CORIN: variants seen among roughly 807,000 people sequenced by gnomAD.
CORIN encodes atrial natriuretic peptide-converting enzyme.
A neutral mutation model predicts 125.3 loss-of-function variants in CORIN; 117 were observed. That is an observed-to-expected ratio of 0.93 (90% confidence interval 0.80 to 1.09). The LOEUF (loss-of-function observed/expected upper bound fraction) is 1.09, where lower values mean the gene tolerates loss of function less well. Among genes scored for constraint, CORIN ranks in the 50% least tolerant of loss-of-function variants. The pLI, the probability that CORIN is intolerant of heterozygous loss-of-function variation, is 0.00. For synonymous variants in CORIN, 450 were observed against 466.4 expected (o/e 0.96, Z 0.45); for missense variants, 1,253 against 1,306.7 (o/e 0.96, Z 0.63).
chr4:47,731,967 A>ATG (rs2109815878), intron 5 of CORIN, among the ~76,000 whole-genome samples: 1 of 152,220 alleles, frequency 6.6e-6, no homozygotes, highest in East Asian at 1.9e-4. Context: ...ACCCTTGGAG[A>ATG]TGTGGGGACA....
rs901031112 is a variant in CORIN, at chr4:47,594,510, C to G, written c.*1211G>C. On this transcript the variant is annotated 3_prime_UTR_variant, in exon 22 of 22. Transcript: ENST00000273857. ...TCAGAAATTGAGTTGCGTAAAGTGG[C>G]CTAGAGCTAAAAATCATTTCTAAAA... The G allele has an allele frequency of 6.6e-6, 1 of 152,380 alleles. No individual in the cohort carries two copies. The highest frequency in any genetic ancestry group is 2.4e-5 in the African/African-American group (1 of 41,378). The allele number at this position is 152,380 out of a possible 1,614,324, so 9.4% of individuals were successfully genotyped here. A position where few individuals can be genotyped will look rare whatever the true frequency, so the allele number is the denominator to read the frequency against.
chr4:47,639,567 A>G (rs1723159664), intron 16 of CORIN, among the ~76,000 whole-genome samples: 1 of 152,232 alleles, frequency 6.6e-6, no homozygotes. Flanking sequence ...TGAATGTACA[A>G]AGGCAGGCTG....
chr4:47,616,417 T>A (rs1225836998), intron 19 of CORIN, among the ~76,000 whole-genome samples: 7 of 151,954 alleles, frequency 4.6e-5, no homozygotes. Context: ...AAGAATTTGG[T>A]CCCTAGGAAC....
chr4:47,756,177 G>A (rs1433627133), intron 4 of CORIN, among the ~76,000 whole-genome samples: 1 of 152,176 alleles, frequency 6.6e-6, no homozygotes, highest in Non-Finnish European at 1.5e-5. Flanking sequence ...CTTAGTGTGA[G>A]GAGAAAGATA....
At chr4:47,806,034 A>C (rs781423452) in intron 2 of CORIN, among the ~76,000 whole-genome samples, 16 of 152,236 alleles carry the variant, frequency 1.1e-4, no homozygotes, top group Admixed American at 2.0e-4. Flanking sequence ...AAAAGATAGC[A>C]AGATGCAACT....
intron 3 of CORIN, among the ~76,000 whole-genome samples, chr4:47,776,619 A>C (rs1266092607): frequency 2.0e-5 from 3 of 152,208 alleles, no homozygotes; most frequent in African/African-American, 7.2e-5. Flanking sequence ...AGCCACAACA[A>C]AACAGACTCT....
chr4:47,756,175 G>C (rs1395088405), intron 4 of CORIN, among the ~76,000 whole-genome samples: 1 of 152,226 alleles, frequency 6.6e-6, no homozygotes, highest in African/African-American at 2.4e-5. Context: ...GGCTTAGTGT[G>C]AGGAGAAAGA....
At chr4:47,755,398 C>G (rs914309506) in intron 4 of CORIN, among the ~76,000 whole-genome samples, 1 of 152,184 alleles carries the variant, frequency 6.6e-6, no homozygotes, top group Non-Finnish European at 1.5e-5. Flanking sequence ...CTCAAGTATT[C>G]TTCACATGAA....
Position 47,807,041 on chromosome 4 carries a change from T to C in CORIN, c.70A>G (p.Arg24Gly). ...TTGCCCATGTTATTGTCATCAGCTC[T>C]CAAGACCTAAAGTAAAAGAGGAAAA... ...RRAGSPKPVL[R>G]ADDNNMGNGC... Residue 24 changes from arginine (R) to glycine (G), a missense_variant, in exon 2 of 22, where the codon AGA becomes GGA. Physicochemically the swap from Arg to Gly is moderately radical, Grantham distance 125. Transcript: ENST00000273857. 6.2e-7 allele frequency: 1 copy of C among 1,605,522 alleles called. No individual in the cohort carries two copies. Among genetic ancestry groups the C allele is most frequent in the Non-Finnish European group, 8.5e-7 (1 of 1,177,812 alleles).
At chr4:47,751,630 C>T (rs965889664) in intron 4 of CORIN, among the ~76,000 whole-genome samples, 1 of 152,164 alleles carries the variant, frequency 6.6e-6, no homozygotes, top group African/African-American at 2.4e-5. Flanking sequence ...CTGCTAGTAG[C>T]CTTCCCTAAT....
rs116271180 is a variant in CORIN at position 47,798,293 on chromosome 4, A to T, written c.208+8610T>A. Among the ~76,000 whole-genome samples the T allele has an allele frequency of 6.7e-3, 1,021 of 152,286 alleles. 13 individuals carry two copies. Among genetic ancestry groups the T allele is most frequent in the African/African-American group, 0.022 (918 of 41,572 alleles). On this transcript the variant is annotated intron_variant, in intron 2 of 21. Coordinates refer to ENST00000273857, the MANE Select transcript of CORIN (RefSeq NM_006587.4). The stretch of plus-strand genomic sequence containing the variant: ...AACCACAACAGACAAAATTAGAGAC[A>T]CGTAGTACATCTGTGTTTGTTAGCA...
chr4:47,836,920 C>T (rs185637012), intron 1 of CORIN, among the ~76,000 whole-genome samples: 1 of 152,356 alleles, frequency 6.6e-6, no homozygotes, highest in East Asian at 1.9e-4. Flanking sequence ...GGTCGGTCCC[C>T]GATTCGGAGC....
intron 10 of CORIN, among the ~76,000 whole-genome samples, chr4:47,671,954 G>A (rs1255573025): frequency 6.6e-6 from 1 of 152,194 alleles, no homozygotes; most frequent in Non-Finnish European, 1.5e-5. Flanking sequence ...CTTTTACTCA[G>A]AAGAGAGCAG....
intron 11 of CORIN, among the ~76,000 whole-genome samples, chr4:47,663,048 A>G (rs1724321263): frequency 6.6e-6 from 1 of 152,236 alleles, no homozygotes; most frequent in Non-Finnish European, 1.5e-5. Flanking sequence ...TGCAACTGCT[A>G]TTTTAAATTA....
chr4:47,723,437 A>AGATATCAGAC (rs895480933), intron 5 of CORIN, among the ~76,000 whole-genome samples: 4 of 152,188 alleles, frequency 2.6e-5, no homozygotes, highest in African/African-American at 9.6e-5. Flanking sequence ...TCCATGGCCC[A>AGATATCAGAC]GATATCAGAC....
At chr4:47,803,355 T>A (rs1236804912) in intron 2 of CORIN, among the ~76,000 whole-genome samples, 1 of 152,106 alleles carries the variant, frequency 6.6e-6, no homozygotes, top group Non-Finnish European at 1.5e-5. Context: ...GAAAAAACAA[T>A]TCTAAAATTT....
At chr4:47,608,327 A>G (rs1721737860) in intron 19 of CORIN, among the ~76,000 whole-genome samples, 1 of 151,740 alleles carries the variant, frequency 6.6e-6, no homozygotes, top group Admixed American at 6.6e-5. Flanking sequence ...TCGCCAAAGA[A>G]AAAAAAAGAG....
intron 11 of CORIN, among the ~76,000 whole-genome samples, chr4:47,664,461 T>A (rs1045280852): frequency 2.6e-5 from 4 of 152,162 alleles, no homozygotes; most frequent in Admixed American, 2.0e-4. Context: ...GGGTCAAGAT[T>A]TTAACCCAAA....
intron 3 of CORIN, among the ~76,000 whole-genome samples, chr4:47,786,176 G>C (rs114639555): frequency 0.015 from 2,234 of 152,274 alleles, 25 homozygotes; most frequent in Non-Finnish European, 0.024. Flanking sequence ...GAATGGCATT[G>C]ATACGTTTTC....
Sources: allele counts gnomAD v4.1 joint callset (sites outside exome capture counted in the v4.1 genomes callset), GRCh38; gene constraint gnomAD v4.1.1; transcripts MANE v1.5; gene names NCBI Gene and HGNC (gene_info 2026-07-23, HGNC 2026-07-21).